The following ARNT2 variants were observed in gnomAD, a reference collection of about 807,000 sequenced individuals.
ARNT2 encodes ARNT protein 2.
ARNT2 carries 36 observed loss-of-function variants against 91.7 expected under a neutral mutation model. The observed-to-expected ratio is 0.39, with a 90% confidence interval of 0.30 to 0.52. The LOEUF (loss-of-function observed/expected upper bound fraction) is 0.52. Among genes scored for constraint, ARNT2 ranks in the 20% least tolerant of loss-of-function variants. The pLI is 0.72. For synonymous variants in ARNT2, 365 were observed against 347.1 expected (o/e 1.05, Z -0.57); for missense variants, 775 against 939.3 (o/e 0.83, Z 2.29).
At chr15:80,435,255 TTC>T (rs1232270226) in intron 1 of ARNT2, among the ~76,000 whole-genome samples, 1 of 152,166 alleles carries the variant, frequency 6.6e-6, no homozygotes, top group African/African-American at 2.4e-5. Flanking sequence ...CTGCCCGAGG[TTC>T]TCTTTCCCTC....
intron 2 of ARNT2, among the ~76,000 whole-genome samples, chr15:80,455,727 G>GA (rs1236069154): frequency 1.3e-5 from 2 of 152,152 alleles, no homozygotes; most frequent in Non-Finnish European, 2.9e-5. Context: ...CATGAAGGCT[G>GA]AGGACAGAGG....
chr15:80,579,418 A>G (rs575091887), intron 15 of ARNT2, among the ~76,000 whole-genome samples: 1 of 152,222 alleles, frequency 6.6e-6, no homozygotes, highest in Admixed American at 6.5e-5. Flanking sequence ...GTTTCTCCCT[A>G]TTTTAAAAGG....
rs960716842 is a variant in ARNT2 at position 80,529,627 on chromosome 15, G to A, written c.877+15222G>A. The stretch of plus-strand genomic sequence containing the variant: ...TTTTCCTTCATTTTCATTATTGCCC[G>A]GTGGGCTGTTTTGGTTTGCAGACTC... On this transcript the variant is annotated intron_variant, in intron 8 of 18. Transcript: ENST00000303329. Among the ~76,000 whole-genome samples the A allele has an allele frequency of 5.3e-5, 8 of 151,624 alleles. No individual in the cohort carries two copies. In the East Asian group the frequency reaches 7.7e-4, roughly 15 times the overall value.
At position 80,436,991 on chromosome 15, in the gene ARNT2, T is replaced by C. The variant is rs758446748; in HGVS notation, c.32-13889T>C. Among the ~76,000 whole-genome samples, 274 of 152,294 alleles carry C rather than the reference T, an allele frequency of 1.8e-3. 1 individual carries two copies. Among genetic ancestry groups the C allele is most frequent in the Non-Finnish European group, 2.8e-3 (192 of 68,024 alleles). On this transcript the variant is annotated intron_variant, in intron 1 of 18. Transcript: ENST00000303329. ...CCTGGTTTGTGCTGTTTGGCACCTC[T>C]GGTTCCCAGAGCTCTCTGGATTTAC...
intron 8 of ARNT2, among the ~76,000 whole-genome samples, chr15:80,547,428 A>C (rs903946061): frequency 2.0e-5 from 3 of 152,228 alleles, no homozygotes; most frequent in Non-Finnish European, 4.4e-5. Flanking sequence ...CCCCGGATGG[A>C]AAACTTGCAT....
intron 9 of ARNT2, among the ~76,000 whole-genome samples, chr15:80,552,046 C>G (rs1285209915): frequency 6.6e-6 from 1 of 152,176 alleles, no homozygotes; most frequent in African/African-American, 2.4e-5. Context: ...CTCCCTAGGA[C>G]ATTGAGGGTC....
rs149060355 is a variant in ARNT2, at chr15:80,581,397, A to G, written c.1911A>G (p.Pro637=). The G allele has an allele frequency of 2.5e-4, 406 of 1,614,068 alleles. 1 individual carries two copies. The African/African-American group carries it at 4.7e-3, about 19-fold the overall frequency. ...NAYSSLANRT[P]GFAESGQSSG... Reference sequence around the variant, plus strand: ...ACTCCAGTCTTGCCAACAGGACTCCAGGGTTCGGTAGGTGGGGAATGAGGG... The same window carrying G: ...ACTCCAGTCTTGCCAACAGGACTCCGGGGTTCGGTAGGTGGGGAATGAGGG... Residue 637 remains proline, a synonymous_variant, in exon 17 of 19, where the codon CCA becomes CCG. Coordinates refer to ENST00000303329, the MANE Select transcript of ARNT2 (RefSeq NM_014862.4).
chr15:80,549,304 A>T (rs1898042684), intron 8 of ARNT2, among the ~76,000 whole-genome samples: 2 of 152,212 alleles, frequency 1.3e-5, no homozygotes, highest in African/African-American at 2.4e-5. Flanking sequence ...TTTTTCCTTA[A>T]GCTTTGTGTA....
rs375813038 is a variant in ARNT2 at position 80,452,758 on chromosome 15, G to T, written c.146+1764G>T. Among the ~76,000 whole-genome samples, 34 of 152,228 alleles carry T rather than the reference G, an allele frequency of 2.2e-4. No individual in the cohort carries two copies. In the East Asian group the frequency reaches 6.4e-3, roughly 29 times the overall value. ...GGACCAGAAACCGTCTCTGTGCTGG[G>T]AAGTCGCCTCTGAGCCTCTGCCAGG... On this transcript the variant is annotated intron_variant, in intron 2 of 18. Transcript: ENST00000303329.
At chr15:80,592,071 C>G (rs1382635398) in intron 18 of ARNT2, among the ~76,000 whole-genome samples, 1 of 152,182 alleles carries the variant, frequency 6.6e-6, no homozygotes. Context: ...GGCTGACCCT[C>G]TTTCTTCCCA....
At chr15:80,412,282 T>G (rs1212918904) in intron 1 of ARNT2, among the ~76,000 whole-genome samples, 1 of 152,202 alleles carries the variant, frequency 6.6e-6, no homozygotes, top group Non-Finnish European at 1.5e-5. Context: ...CTGTTTTGGT[T>G]TCATTGTGAG....
At chr15:80,580,867 A>G (rs569033609) in intron 16 of ARNT2, among the ~76,000 whole-genome samples, 2 of 151,870 alleles carry the variant, frequency 1.3e-5, no homozygotes, top group African/African-American at 4.8e-5. Flanking sequence ...CCCCTGCGCC[A>G]GGAGGGCATG....
intron 8 of ARNT2, among the ~76,000 whole-genome samples, chr15:80,550,857 A>C (rs548701008): frequency 1.2e-4 from 18 of 152,250 alleles, no homozygotes; most frequent in Non-Finnish European, 2.2e-4. Context: ...ATATTTACAT[A>C]AGCTGAAAGA....
At chr15:80,431,251 C>T (rs537061008) in intron 1 of ARNT2, among the ~76,000 whole-genome samples, 3 of 152,284 alleles carry the variant, frequency 2.0e-5, no homozygotes, top group East Asian at 3.9e-4. Context: ...ATGTTCTTCT[C>T]GAGGGCCTGG....
rs150913554 is a variant in ARNT2 at position 80,563,638 on chromosome 15, G to A, written c.1316+399G>A. On this transcript the variant is annotated intron_variant, in intron 12 of 18. Coordinates refer to ENST00000303329, the MANE Select transcript of ARNT2 (RefSeq NM_014862.4). ...GGTCCTACCGAAGCCGGGGGTGGAG[G>A]AAGGGAGGCTGAGCCTCTTGGCAGC... is the stretch of plus-strand genomic sequence containing the variant. 2.2e-4 allele frequency among the ~76,000 whole-genome samples: 33 copies of A among 152,336 alleles called. No individual in the cohort carries two copies. The Middle Eastern group carries it at 0.014, about 63-fold the overall frequency.
At chr15:80,543,671 A>G (rs1227424053) in intron 8 of ARNT2, among the ~76,000 whole-genome samples, 1 of 152,020 alleles carries the variant, frequency 6.6e-6, no homozygotes, top group Admixed American at 6.5e-5. Context: ...TTCATTTTGG[A>G]TTGTTTCTAT....
chr15:80,482,973 A>T (rs1896911965), intron 5 of ARNT2, among the ~76,000 whole-genome samples: 1 of 152,252 alleles, frequency 6.6e-6, no homozygotes, highest in Non-Finnish European at 1.5e-5. Flanking sequence ...TGGCTTTGCC[A>T]AGCTCTTTGA....
chr15:80,513,818 A>T (rs1414125059), intron 6 of ARNT2, 93 bp from the exon 7 acceptor site: 1 of 1,079,690 alleles, frequency 9.3e-7, no homozygotes, highest in African/African-American at 1.6e-5. Context: ...ATGTGTAAGC[A>T]TCAATTAAGG....
chr15:80,454,387 T>C (rs1306754826), intron 2 of ARNT2, among the ~76,000 whole-genome samples: 1 of 152,200 alleles, frequency 6.6e-6, no homozygotes, highest in African/African-American at 2.4e-5. Context: ...CCCTTTCCAC[T>C]TGGAGTCCGA....
Sources: gnomAD v4.1 joint callset for allele counts (sites outside exome capture counted in the v4.1 genomes callset) on GRCh38, gnomAD v4.1.1 for gene constraint, MANE v1.5 for transcripts, NCBI Gene and HGNC (gene_info 2026-07-23, HGNC 2026-07-21) for gene names.